BCAR3: variants seen among roughly 807,000 people sequenced by gnomAD.
The protein encoded by BCAR3 is breast cancer anti-estrogen resistance protein 3.
Under a neutral mutation model 80.1 loss-of-function variants are expected in BCAR3, and 37 were observed. The ratio of observed to expected loss-of-function variants is 0.46; its 90% CI spans 0.36 to 0.61. The LOEUF is 0.61. Among genes scored for constraint, BCAR3 ranks in the 20% least tolerant of loss-of-function variants. The pLI is 0.00. For missense variants in BCAR3, 978 were observed against 1,068.2 expected, an observed-to-expected ratio of 0.92 and a Z score of 1.18; for synonymous variants, 389 against 418.9, an observed-to-expected ratio of 0.93 and a Z score of 0.87.
At chr1:93,807,417 G>C (rs1260456070) in intron 2 of BCAR3, among the ~76,000 whole-genome samples, 5 of 152,192 alleles carry the variant, frequency 3.3e-5, no homozygotes, top group African/African-American at 1.2e-4. Flanking sequence ...GGAGAATGAT[G>C]GGTGTGGGAG....
At chr1:93,745,165 G>A (rs1210233637) in intron 2 of BCAR3, among the ~76,000 whole-genome samples, 1 of 152,220 alleles carries the variant, frequency 6.6e-6, no homozygotes, top group African/African-American at 2.4e-5. Context: ...CACCATGTGG[G>A]GCAGAAGCAG....
intron 3 of BCAR3, among the ~76,000 whole-genome samples, chr1:93,629,182 A>C (rs1275702457): frequency 6.6e-6 from 1 of 152,184 alleles, no homozygotes; most frequent in Admixed American, 6.5e-5. Context: ...AGCAACATGG[A>C]GCACCTACTG....
chr1:93,799,616 T>C (rs1212418557), intron 2 of BCAR3, among the ~76,000 whole-genome samples: 1 of 152,236 alleles, frequency 6.6e-6, no homozygotes, highest in Non-Finnish European at 1.5e-5. Flanking sequence ...AGATAACTTA[T>C]GTCTTGTTTC....
chr1:93,755,061 C>CT (rs1651697441), intron 2 of BCAR3, among the ~76,000 whole-genome samples: 1 of 150,080 alleles, frequency 6.7e-6, no homozygotes, highest in African/African-American at 2.5e-5. Flanking sequence ...TAGTTTTTAA[C>CT]AAAACAAAAA....
At chr1:93,570,102 A>C (rs1673148030) in intron 9 of BCAR3, among the ~76,000 whole-genome samples, 1 of 152,222 alleles carries the variant, frequency 6.6e-6, no homozygotes, top group East Asian at 1.9e-4. Context: ...CTACCTGAAG[A>C]ATTCTGAAAG....
At chr1:93,614,229 C>T (rs904922742) in intron 3 of BCAR3, 2 of 1,084,578 alleles carry the variant, frequency 1.8e-6, no homozygotes, top group Non-Finnish European at 2.3e-6. Flanking sequence ...AAATTCTAAC[C>T]CCTCTTAGAA....
At chr1:93,691,070 A>T (rs1214440269) in intron 3 of BCAR3, among the ~76,000 whole-genome samples, 1 of 152,218 alleles carries the variant, frequency 6.6e-6, no homozygotes, top group Non-Finnish European at 1.5e-5. Context: ...ATATCACTAT[A>T]CTCAGGAGGA....
At chr1:93,584,164 G>C (rs763537407) in intron 5 of BCAR3, 43 bp from the exon 6 acceptor site, 1 of 1,567,114 alleles carries the variant, frequency 6.4e-7, no homozygotes, top group Non-Finnish European at 8.7e-7. Context: ...TTACTAACGT[G>C]TAAAATAAAA....
intron 2 of BCAR3, among the ~76,000 whole-genome samples, chr1:93,667,621 C>T (rs983581633): frequency 1.3e-5 from 2 of 152,196 alleles, no homozygotes; most frequent in Non-Finnish European, 2.9e-5. Context: ...GCTGGGGCAA[C>T]TAGGGAAGGT....
At chr1:93,693,968 C>A (rs1255240539) in intron 3 of BCAR3, among the ~76,000 whole-genome samples, 1 of 152,232 alleles carries the variant, frequency 6.6e-6, no homozygotes, top group African/African-American at 2.4e-5. Flanking sequence ...CCACTTAATC[C>A]TCACGACAGC....
chr1:93,579,903 T>G (rs3754194), intron 7 of BCAR3, among the ~76,000 whole-genome samples: 1 of 152,178 alleles, frequency 6.6e-6, no homozygotes, highest in Non-Finnish European at 1.5e-5. Flanking sequence ...TCCTCCTACC[T>G]CCCAAACAGG....
chr1:93,577,883 G>A (rs1289799296), intron 7 of BCAR3, among the ~76,000 whole-genome samples: 1 of 152,154 alleles, frequency 6.6e-6, no homozygotes, highest in Non-Finnish European at 1.5e-5. Flanking sequence ...CATTTCGTCG[G>A]CACATATATG....
At chr1:93,621,239 G>A (rs1001699119) in intron 3 of BCAR3, among the ~76,000 whole-genome samples, 21 of 152,234 alleles carry the variant, frequency 1.4e-4, no homozygotes, top group Non-Finnish European at 2.9e-4. Context: ...CTGATCATGG[G>A]CATTACCATC....
At chr1:93,642,469 G>A (rs1341247316) in intron 2 of BCAR3, 126 bp from the exon 3 acceptor site, 4 of 887,506 alleles carry the variant, frequency 4.5e-6, no homozygotes, top group South Asian at 3.1e-5. Context: ...CTCCCAGGCA[G>A]TATTCACAAC....
chr1:93,807,529 T>A (rs1433682886), intron 2 of BCAR3, among the ~76,000 whole-genome samples: 1 of 152,156 alleles, frequency 6.6e-6, no homozygotes, highest in Non-Finnish European at 1.5e-5. Flanking sequence ...GGGGTGGAAC[T>A]TCACTGTGAA....
At chr1:93,648,506 A>C (rs901792623) in intron 2 of BCAR3, among the ~76,000 whole-genome samples, 3 of 152,232 alleles carry the variant, frequency 2.0e-5, no homozygotes, top group Non-Finnish European at 4.4e-5. Flanking sequence ...TAGGATAATT[A>C]AGAAAAAGAA....
At chr1:93,595,131 G>GGT (rs1287827473) in intron 3 of BCAR3, among the ~76,000 whole-genome samples, 1 of 152,140 alleles carries the variant, frequency 6.6e-6, no homozygotes, top group East Asian at 1.9e-4. Context: ...TACTATAGGA[G>GGT]GTAGGGTATT....
At chr1:93,777,392 C>T (rs1027440099) in intron 2 of BCAR3, among the ~76,000 whole-genome samples, 2 of 137,380 alleles carry the variant, frequency 1.5e-5, no homozygotes, top group South Asian at 4.4e-4. Context: ...TCTTCTTCCT[C>T]TTCTTCCTCT....
chr1:93,726,469 C>T (rs12138994), intron 2 of BCAR3, among the ~76,000 whole-genome samples: 15,939 of 152,228 alleles, frequency 0.1, 915 homozygotes, highest in Middle Eastern at 0.18. Flanking sequence ...AGGGGAATTG[C>T]ATTGGCTTAA....
Sources: gnomAD v4.1 joint callset for allele counts (sites outside exome capture counted in the v4.1 genomes callset) on GRCh38, gnomAD v4.1.1 for gene constraint, MANE v1.5 for transcripts, NCBI Gene and HGNC (gene_info 2026-07-23, HGNC 2026-07-21) for gene names.